ADGRG1: variants seen among roughly 807,000 people sequenced by gnomAD.
ADGRG1 encodes adhesion G protein-coupled receptor G1, also known as 7-transmembrane protein with no EGF-like N-terminal domains-1.
A neutral mutation model predicts 73.5 loss-of-function variants in ADGRG1; 53 were observed. The ratio of observed to expected loss-of-function variants is 0.72; its 90% CI spans 0.58 to 0.91. ADGRG1 has a LOEUF of 0.91. Ranked by LOEUF, ADGRG1 falls within the 40% of genes least tolerant of loss-of-function variation. The pLI is 0.00. For synonymous variants in ADGRG1, 394 were observed against 374.4 expected, an observed-to-expected ratio of 1.05 and a Z score of -0.60; for missense variants, 795 against 871.8, an observed-to-expected ratio of 0.91 and a Z score of 1.11.
At chr16:57,659,071 G>A in intron 10 of ADGRG1, 1 of 985,358 alleles carries the variant, frequency 1.0e-6, no homozygotes, top group African/African-American at 1.7e-5. Flanking sequence ...GAATGTGGAT[G>A]GCATGGATTC....
chr16:57,658,958 T>G, intron 10 of ADGRG1: 1 of 983,932 alleles, frequency 1.0e-6, no homozygotes, highest in African/African-American at 1.8e-5. Flanking sequence ...GGGGGTGGGG[T>G]GGGGTGTGCA....
At chr16:57,625,530 AC>A (rs1244030094), upstream of ADGRG1, 6 of 982,064 alleles carry the variant, frequency 6.1e-6, no homozygotes, top group Non-Finnish European at 7.3e-6. Context: ...CCCCATCCGG[AC>A]CCAACTTCCC....
intron 12 of ADGRG1, 21 bp downstream of exon 12, chr16:57,660,897 GGGGCAAGAAGGTGGGTCTCT>G: frequency 7.2e-7 from 1 of 1,381,098 alleles, no homozygotes; most frequent in East Asian, 2.3e-5. Flanking sequence ...GTGTGCAATG[GGGGCAAGAAGGTGGGTCTCT>G]GGGCACAGAG....
upstream of ADGRG1, chr16:57,623,159 G>C (rs1401017325): frequency 1.0e-6 from 1 of 976,456 alleles, no homozygotes; most frequent in East Asian, 1.1e-4. Flanking sequence ...ACAGGGTTGT[G>C]GGGGAAAATG....
upstream of ADGRG1, chr16:57,624,875 C>A (rs992801768): frequency 6.5e-5 from 12 of 185,926 alleles, no homozygotes; most frequent in Admixed American, 6.5e-5. Context: ...GTCTGCCAGG[C>A]CTGGGCTGCA....
In ADGRG1 at chr16:57,663,650, C is replaced by T. The variant is rs919813529; in HGVS notation, c.*68C>T. On this transcript the variant is annotated 3_prime_UTR_variant, in exon 14 of 14. Transcript: ENST00000562631. ...CTCGTCGCACACTGCCTGTGGCCCC[C>T]GAGCCCGGCCCAGCCCCAGGCCAGT... The T allele has an allele frequency of 5.9e-5, 92 of 1,553,510 alleles. No individual in the cohort carries two copies. The highest frequency in any genetic ancestry group is 7.2e-5 in the Non-Finnish European group (82 of 1,137,322).
At chr16:57,648,399 AG>A (rs1293491086) in intron 1 of ADGRG1, 6 of 950,002 alleles carry the variant, frequency 6.3e-6, no homozygotes, top group Non-Finnish European at 7.5e-6. Context: ...TTCTTCTCAA[AG>A]GGCTCTGTGA....
chr16:57,644,568 T>A (rs527447813), intron 1 of ADGRG1, among the ~76,000 whole-genome samples: 164 of 135,632 alleles, frequency 1.2e-3, no homozygotes, highest in Non-Finnish European at 2.1e-3. Flanking sequence ...CGGACACTTA[T>A]GCACAAGCAC....
chr16:57,644,451 TGCACACACTCATGCACGG>T (rs1232177337), intron 1 of ADGRG1, among the ~76,000 whole-genome samples: 2 of 117,282 alleles, frequency 1.7e-5, no homozygotes, highest in African/African-American at 3.4e-5. Flanking sequence ...TTCATGCACA[TGCACACACTCATGCACGG>T]GCACACACAC....
At chr16:57,622,724 G>T, upstream of ADGRG1, 1 of 964,520 alleles carries the variant, frequency 1.0e-6, no homozygotes, top group Non-Finnish European at 1.2e-6. Context: ...AAGTGCTCTT[G>T]GGAGGCTAGG....
intron 2 of ADGRG1, chr16:57,621,864 C>A: frequency 1.0e-6 from 1 of 985,184 alleles, no homozygotes; most frequent in Non-Finnish European, 1.2e-6. Flanking sequence ...ATGCTGGTGA[C>A]CCCATGCCAA....
intron 13 of ADGRG1, 38 bp from the exon 14 acceptor site, chr16:57,663,414 T>A: frequency 6.2e-7 from 1 of 1,610,054 alleles, no homozygotes; most frequent in Non-Finnish European, 8.5e-7. Context: ...GGGGTGGGGC[T>A]CCCCCACCTG....
Position 57,661,826 on chromosome 16 carries a change from A to G in ADGRG1, c.1794A>G (p.Gln598=). ...VQILRLRPHT[Q]KWSHVLTLLG... ...TCCTGCGGCTGCGCCCCCACACCCA[A>G]AAGTGGTCACATGTGCTGACACTGC... is the stretch of plus-strand genomic sequence containing the variant. Residue 598 remains glutamine, a synonymous_variant, in exon 13 of 14, where the codon CAA becomes CAG. Transcript: ENST00000562631. 1.2e-6 allele frequency: 2 copies of G among 1,614,120 alleles called. No homozygotes were observed. The highest frequency in any genetic ancestry group is 1.7e-6 in the Non-Finnish European group (2 of 1,180,000).
chr16:57,647,171 C>G, intron 1 of ADGRG1: 6 of 985,318 alleles, frequency 6.1e-6, no homozygotes, highest in Non-Finnish European at 7.2e-6. Flanking sequence ...TGACAGTGTC[C>G]CCCTGCCCAA....
chr16:57,631,226 T>G, intron 1 of ADGRG1: 1 of 986,672 alleles, frequency 1.0e-6, no homozygotes, highest in Non-Finnish European at 1.2e-6. Context: ...AGGGTTGGTG[T>G]AGGGGTTGGC....
chr16:57,631,085 G>C lies in ADGRG1; in HGVS notation c.-36+2283G>C, dbSNP rs538511357. 5.1e-6 allele frequency: 5 copies of C among 980,240 alleles called. No individual in the cohort carries two copies. In the Admixed American group the frequency reaches 3.2e-4, roughly 63 times the overall value. 60.7% of individuals were successfully genotyped at this position (980,240 alleles called of 1,614,324 possible). A position where few individuals can be genotyped will look rare whatever the true frequency, so the allele number is the denominator to read the frequency against. ...AGGATGGGTGTTCAGTGTGAGGTTG[G>C]CCAGGCAGTCCCAGTCTCTGGCTGC... On this transcript the variant is annotated intron_variant, in intron 1 of 13. Coordinates refer to ENST00000562631, the MANE Select transcript of ADGRG1 (RefSeq NM_201525.4).
intron 1 of ADGRG1, chr16:57,634,286 A>G (rs1045443435): frequency 1.0e-6 from 1 of 985,186 alleles, no homozygotes. Flanking sequence ...AACTGCCCAG[A>G]CCCACCTGCT....
Position 57,663,937 on chromosome 16 carries a change from C to G in ADGRG1, c.*355C>G, listed in dbSNP as rs535997963. The G allele has an allele frequency of 2.6e-6, 1 of 385,934 alleles. No homozygotes were observed. Among genetic ancestry groups the G allele is most frequent in the Admixed American group, 4.1e-5 (1 of 24,678 alleles). 23.9% of individuals were successfully genotyped at this position (385,934 alleles called of 1,614,324 possible). On this transcript the variant is annotated 3_prime_UTR_variant, in exon 14 of 14. Coordinates refer to ENST00000562631, the MANE Select transcript of ADGRG1 (RefSeq NM_201525.4). ...GGGCCAGGCCTTGGATCTTGAGGGT[C>G]TGGCACATCCTTAATCCTGTGCCCC... is the stretch of plus-strand genomic sequence containing the variant.
intron 1 of ADGRG1, chr16:57,637,632 T>A (rs2039695939): frequency 1.0e-6 from 1 of 985,078 alleles, no homozygotes; most frequent in Non-Finnish European, 1.2e-6. Context: ...TTCCTCTTCC[T>A]CCGGGGGCCA....
Sources: allele counts gnomAD v4.1 joint callset (sites outside exome capture counted in the v4.1 genomes callset), GRCh38; gene constraint gnomAD v4.1.1; transcripts MANE v1.5; gene names NCBI Gene and HGNC (gene_info 2026-07-23, HGNC 2026-07-21).